Variants in SLC9A1 observed in about 807,000 individuals in gnomAD.
SLC9A1 encodes the protein sodium/hydrogen exchanger 1.
A neutral mutation model predicts 67.9 loss-of-function variants in SLC9A1; 22 were observed. The ratio of observed to expected loss-of-function variants is 0.32; its 90% CI spans 0.23 to 0.46. The LOEUF (loss-of-function observed/expected upper bound fraction) is 0.46, where lower values mean the gene tolerates loss of function less well. SLC9A1 is among the 20% of genes least tolerant of loss of function. The pLI, the probability that SLC9A1 is intolerant of heterozygous loss-of-function variation, is 1.00. For missense variants in SLC9A1, 686 were observed against 1,094.8 expected (o/e 0.63, Z 5.27); for synonymous variants, 421 against 471.8 (o/e 0.89, Z 1.40).
chr1:27,145,537 G>C (rs2083479796), intron 1 of SLC9A1, among the ~76,000 whole-genome samples: 1 of 152,222 alleles, frequency 6.6e-6, no homozygotes, highest in Non-Finnish European at 1.5e-5. Flanking sequence ...TAGTGAACTT[G>C]TGGGCTCTAA....
intron 1 of SLC9A1, among the ~76,000 whole-genome samples, chr1:27,119,064 C>T (rs1035624806): frequency 7.2e-5 from 11 of 151,802 alleles, no homozygotes; most frequent in African/African-American, 2.7e-4. Context: ...CACACACACA[C>T]ACACACACAC....
chr1:27,110,379 C>T (rs1194566180), intron 2 of SLC9A1, among the ~76,000 whole-genome samples: 1 of 152,100 alleles, frequency 6.6e-6, no homozygotes, highest in Non-Finnish European at 1.5e-5. Flanking sequence ...CATGTTCAGG[C>T]CATACTGGAC....
chr1:27,119,804 G>C (rs1305679292), intron 1 of SLC9A1, among the ~76,000 whole-genome samples: 1 of 152,180 alleles, frequency 6.6e-6, no homozygotes, highest in Non-Finnish European at 1.5e-5. Flanking sequence ...TGTTTCTAAG[G>C]GGCGTGTGAG....
chr1:27,101,686 G>T lies in SLC9A1; in HGVS notation c.2037+39C>A, dbSNP rs766818974. 6 of 1,414,804 alleles carry T rather than the reference G, an allele frequency of 4.2e-6. No individual in the cohort carries two copies. Among genetic ancestry groups the T allele is most frequent in the Non-Finnish European group, 5.0e-6 (5 of 1,007,564 alleles). 87.6% of individuals were successfully genotyped at this position (1,414,804 alleles called of 1,614,324 possible). ...AGGCTGTGGCGGAGCTTGGGCGAGTGGGGTGGGATACAGATTCCCAGAGGA... is the reference window on the plus strand; with the variant it reads ...AGGCTGTGGCGGAGCTTGGGCGAGTTGGGTGGGATACAGATTCCCAGAGGA... On this transcript the variant is annotated intron_variant, in intron 10 of 11. Coordinates refer to ENST00000263980, the MANE Select transcript of SLC9A1 (RefSeq NM_003047.5). This position sits in a 1 kb window ranked among gnomAD's most constrained non-coding sequence, Gnocchi z 4.9.
chr1:27,154,233 G>A lies in SLC9A1; in HGVS notation c.102C>T (p.Ser34=). 1 of 1,614,020 alleles carries A rather than the reference G, an allele frequency of 6.2e-7. No homozygotes were observed. The highest frequency in any genetic ancestry group is 8.5e-7 in the Non-Finnish European group (1 of 1,179,948). ...ALVGLLPVLR[S]HGLQLSPTAS... ...CAGTTGGGCTGAGCTGGAGGCCATGGCTCCTGAGAACAGGCAGCAGCCCCA... is the reference window on the plus strand; with the variant it reads ...CAGTTGGGCTGAGCTGGAGGCCATGACTCCTGAGAACAGGCAGCAGCCCCA... Residue 34 remains serine, a synonymous_variant, in exon 1 of 12, where the codon AGC becomes AGT. Coordinates refer to ENST00000263980, the MANE Select transcript of SLC9A1 (RefSeq NM_003047.5).
intron 1 of SLC9A1, among the ~76,000 whole-genome samples, chr1:27,153,203 A>C (rs2083541552): frequency 6.6e-6 from 1 of 152,064 alleles, no homozygotes; most frequent in South Asian, 2.1e-4. Flanking sequence ...AGCAGGCCAG[A>C]CAGCACCCTG....
rs1285904136 is a variant in SLC9A1 at position 27,140,845 on chromosome 1, G to A, written c.352+13138C>T. 2.0e-5 allele frequency among the ~76,000 whole-genome samples: 3 copies of A among 152,300 alleles called. No individual in the cohort carries two copies. In the East Asian group the frequency reaches 5.8e-4, roughly 29 times the overall value. ...ATGTTATGTAGGAGAAATGGCACAG[G>A]ACTTGGAAGGGGAAGTCCTGGAGTC... On this transcript the variant is annotated intron_variant, in intron 1 of 11. Coordinates refer to ENST00000263980, the MANE Select transcript of SLC9A1 (RefSeq NM_003047.5).
At chr1:27,105,636 A>G in intron 5 of SLC9A1, 1 of 685,742 alleles carries the variant, frequency 1.5e-6, no homozygotes, top group Admixed American at 2.1e-5. Context: ...GTTCCAAATT[A>G]AGTTGGGCAG....
intron 1 of SLC9A1, among the ~76,000 whole-genome samples, chr1:27,129,201 T>C (rs1252258969): frequency 6.6e-6 from 1 of 152,142 alleles, no homozygotes; most frequent in East Asian, 1.9e-4. Context: ...ATGGGTGAGC[T>C]TTCCTGATAC....
Position 27,130,581 on chromosome 1 carries a change from T to C in SLC9A1, c.353-16295A>G, listed in dbSNP as rs1425258925. On this transcript the variant is annotated intron_variant, in intron 1 of 11. Coordinates refer to ENST00000263980, the MANE Select transcript of SLC9A1 (RefSeq NM_003047.5). ...GCCTCTGCTCAAAACCCATGTGCAA[T>C]GCCTCAGGAGACACAGTGCAGCCCT... is the stretch of plus-strand genomic sequence containing the variant. Among the ~76,000 whole-genome samples, 3 of 152,162 alleles carry C rather than the reference T, an allele frequency of 2.0e-5. No individual in the cohort carries two copies. The East Asian group carries it at 5.8e-4, about 29-fold the overall frequency.
intron 1 of SLC9A1, among the ~76,000 whole-genome samples, chr1:27,142,699 C>T (rs577314609): frequency 7.2e-5 from 11 of 152,284 alleles, no homozygotes; most frequent in Non-Finnish European, 1.6e-4. Context: ...CCAGCAGACC[C>T]AGAGGGCATA....
At position 27,138,626 on chromosome 1, in the gene SLC9A1, C is replaced by T. The variant is rs201749580; in HGVS notation, c.352+15357G>A. Among the ~76,000 whole-genome samples the T allele has an allele frequency of 7.8e-4, 118 of 152,128 alleles. 1 individual carries two copies. In the East Asian group the frequency reaches 0.017, roughly 22 times the overall value. ...TCTAGGGCCTGAAGGAGAGCACCGG[C>T]GCGAGGCAGTCTATGGGCAGTGCTC... On this transcript the variant is annotated intron_variant, in intron 1 of 11. Transcript: ENST00000263980.
Position 27,110,386 on chromosome 1 carries a change from G to A in SLC9A1, c.814-609C>T, listed in dbSNP as rs114452387. On this transcript the variant is annotated intron_variant, in intron 2 of 11. Coordinates refer to ENST00000263980, the MANE Select transcript of SLC9A1 (RefSeq NM_003047.5). ...AAAATACACATGTTCAGGCCATACT[G>A]GACTTGGACTCTCTGGGATAGGGCC... is the stretch of plus-strand genomic sequence containing the variant. Among the ~76,000 whole-genome samples, 1,440 of 152,214 alleles carry A rather than the reference G, an allele frequency of 9.5e-3. 14 individuals carry two copies. Among genetic ancestry groups the A allele is most frequent in the South Asian group, 0.04 (192 of 4,822 alleles).
chr1:27,144,361 C>T (rs1449678970), intron 1 of SLC9A1, among the ~76,000 whole-genome samples: 1 of 152,204 alleles, frequency 6.6e-6, no homozygotes, highest in Non-Finnish European at 1.5e-5. Context: ...AGATCCAGAT[C>T]TTCCCAGAGA....
intron 1 of SLC9A1, among the ~76,000 whole-genome samples, chr1:27,135,078 G>A (rs2083410860): frequency 6.7e-6 from 1 of 149,258 alleles, no homozygotes; most frequent in South Asian, 2.1e-4. Context: ...TTTAAAGGCA[G>A]GGTCTTGCTC....
At position 27,109,266 on chromosome 1, in the gene SLC9A1, T is replaced by G. The variant is rs940373773; in HGVS notation, c.1064+261A>C. Among the ~76,000 whole-genome samples the G allele has an allele frequency of 5.3e-5, 8 of 152,280 alleles. No homozygotes were observed. Among genetic ancestry groups the G allele is most frequent in the Admixed American group, 5.2e-4 (8 of 15,300 alleles). On this transcript the variant is annotated intron_variant, in intron 3 of 11. Coordinates refer to ENST00000263980, the MANE Select transcript of SLC9A1 (RefSeq NM_003047.5). This position sits in a 1 kb window ranked among gnomAD's most constrained non-coding sequence, Gnocchi z 5.5. ...CTTCATGCAGGTCATTCTTGCTTCA[T>G]CTGCTCATAGCCTGAAATGCCCTCT... is the stretch of plus-strand genomic sequence containing the variant.
chr1:27,124,682 T>C (rs1350852638), intron 1 of SLC9A1, among the ~76,000 whole-genome samples: 1 of 152,200 alleles, frequency 6.6e-6, no homozygotes, highest in Non-Finnish European at 1.5e-5. Context: ...CTTCTATCCC[T>C]AGTAGCTTTA....
In SLC9A1 at chr1:27,114,400, G is replaced by A. The variant is rs1330264150; in HGVS notation, c.353-114C>T. The A allele has an allele frequency of 1.3e-6, 1 of 750,866 alleles. No individual in the cohort carries two copies. The highest frequency in any genetic ancestry group is 2.7e-5 in the East Asian group (1 of 36,968). The allele number at this position is 750,866 out of a possible 1,614,324, so 46.5% of individuals were successfully genotyped here. A position where few individuals can be genotyped will look rare whatever the true frequency, so the allele number is the denominator to read the frequency against. The stretch of plus-strand genomic sequence containing the variant: ...AGTTGGTGAGAGGTGCACAGGCTGG[G>A]TCTCAGAGGGCTGCTCTGTTAACTC... On this transcript the variant is annotated intron_variant, in intron 1 of 11. Transcript: ENST00000263980. This position sits in a 1 kb window ranked among gnomAD's most constrained non-coding sequence, Gnocchi z 5.4.
chr1:27,107,941 TG>T (rs2083201193), intron 3 of SLC9A1, 76 bp from the exon 4 acceptor site: 1 of 1,097,846 alleles, frequency 9.1e-7, no homozygotes, highest in Non-Finnish European at 1.4e-6. Context: ...CCAGGGGCAA[TG>T]GGGCCACGAC....
Sources: gnomAD v4.1 joint callset for allele counts (sites outside exome capture counted in the v4.1 genomes callset) on GRCh38, gnomAD v4.1.1 for gene constraint, Gnocchi (gnomAD v3.1) non-coding constraint, MANE v1.5 for transcripts, NCBI Gene and HGNC (gene_info 2026-07-23, HGNC 2026-07-21) for gene names.